The following ADGRV1 variants were observed in gnomAD, a reference collection of about 807,000 sequenced individuals.
The protein encoded by ADGRV1 is adhesion G protein-coupled receptor V1, also known as G-protein coupled receptor 98.
In ADGRV1, 359 loss-of-function variants were observed where a neutral mutation model predicts 596.2. The observed-to-expected ratio is 0.60, with a 90% CI of 0.55 to 0.66. The LOEUF (loss-of-function observed/expected upper bound fraction) is 0.66. ADGRV1 is among the 30% of genes least tolerant of loss of function. The pLI, the probability that ADGRV1 is intolerant of heterozygous loss-of-function variation, is 0.00. For missense variants in ADGRV1, 7,274 were observed against 7,575.6 expected (o/e 0.96, Z 1.48); for synonymous variants, 2,681 against 2,679.2 (o/e 1.00, Z -0.02).
chr5:90,624,645 A>G (rs1183333775), intron 5 of ADGRV1, among the ~76,000 whole-genome samples: 4 of 152,134 alleles, frequency 2.6e-5, no homozygotes, highest in African/African-American at 9.7e-5. Flanking sequence ...CTTCCTTTAA[A>G]TGTCAGGACT....
intron 83 of ADGRV1, among the ~76,000 whole-genome samples, chr5:90,954,490 A>G (rs762901700): frequency 1.3e-5 from 2 of 152,170 alleles, no homozygotes; most frequent in Non-Finnish European, 2.9e-5. Flanking sequence ...TCCTAAAGAC[A>G]TATAAAGGAA....
intron 9 of ADGRV1, among the ~76,000 whole-genome samples, chr5:90,633,073 G>C (rs1206600841): frequency 6.6e-6 from 1 of 152,166 alleles, no homozygotes; most frequent in Non-Finnish European, 1.5e-5. Flanking sequence ...ACGTTAGTCT[G>C]AGATGCAGCT....
intron 85 of ADGRV1, among the ~76,000 whole-genome samples, chr5:90,991,828 T>C (rs553240743): frequency 1.2e-3 from 183 of 152,310 alleles, no homozygotes; most frequent in African/African-American, 3.8e-3. Flanking sequence ...AAATATGATA[T>C]CATATGAGAG....
intron 83 of ADGRV1, among the ~76,000 whole-genome samples, chr5:90,962,503 G>A (rs1245229774): frequency 6.6e-6 from 1 of 152,194 alleles, no homozygotes; most frequent in Non-Finnish European, 1.5e-5. Flanking sequence ...TTTAGGTTAT[G>A]TAGCCTTAAA....
chr5:90,636,292 T>A (rs1050515351), intron 10 of ADGRV1, among the ~76,000 whole-genome samples: 5 of 152,166 alleles, frequency 3.3e-5, no homozygotes, highest in Non-Finnish European at 5.9e-5. Context: ...GATTTAAACC[T>A]AGTTGAGGTT....
chr5:91,160,668 A>G (rs1401034542), intron 89 of ADGRV1, among the ~76,000 whole-genome samples: 1 of 152,164 alleles, frequency 6.6e-6, no homozygotes, highest in Non-Finnish European at 1.5e-5. Flanking sequence ...GCATGGAAAC[A>G]CCTTTCAGAA....
chr5:90,618,578 A>G (rs1294310524), intron 3 of ADGRV1, among the ~76,000 whole-genome samples: 1 of 152,210 alleles, frequency 6.6e-6, no homozygotes, highest in Non-Finnish European at 1.5e-5. Flanking sequence ...TTTAAAAAAT[A>G]TACTTTTGTG....
chr5:91,056,113 A>G (rs1275350400), intron 85 of ADGRV1, among the ~76,000 whole-genome samples: 1 of 152,192 alleles, frequency 6.6e-6, no homozygotes, highest in Non-Finnish European at 1.5e-5. Context: ...TCAGAGCCCA[A>G]TTCATTCAAC....
chr5:90,881,883 C>T (rs1769816741), intron 83 of ADGRV1, among the ~76,000 whole-genome samples: 1 of 151,912 alleles, frequency 6.6e-6, no homozygotes, highest in African/African-American at 2.4e-5. Flanking sequence ...CAACTTTTTT[C>T]TTTTTTTGTG....
At chr5:90,925,040 T>C (rs1774282772) in intron 83 of ADGRV1, among the ~76,000 whole-genome samples, 1 of 151,614 alleles carries the variant, frequency 6.6e-6, no homozygotes, top group Non-Finnish European at 1.5e-5. Context: ...TGTAGCCTTG[T>C]GGTATAGTTT....
chr5:90,892,642 C>T (rs1040464643), intron 83 of ADGRV1, among the ~76,000 whole-genome samples: 7 of 152,228 alleles, frequency 4.6e-5, no homozygotes, highest in Admixed American at 1.3e-4. Flanking sequence ...TTTTCTCTTA[C>T]CCCTTTTAAT....
At chr5:91,154,227 G>A (rs1796284783) in intron 89 of ADGRV1, among the ~76,000 whole-genome samples, 1 of 152,154 alleles carries the variant, frequency 6.6e-6, no homozygotes, top group Admixed American at 6.5e-5. Flanking sequence ...AAATTCCAGT[G>A]AATTTTAATT....
chr5:90,672,395 C>A, intron 21 of ADGRV1, 151 bp from the exon 22 acceptor site: 1 of 506,478 alleles, frequency 2.0e-6, no homozygotes, highest in Admixed American at 3.6e-5. Context: ...CAAAGTTTAT[C>A]TGGGGGAATG....
At chr5:91,129,970 C>T (rs551843083) in intron 87 of ADGRV1, among the ~76,000 whole-genome samples, 4 of 152,240 alleles carry the variant, frequency 2.6e-5, no homozygotes, top group East Asian at 1.9e-4. Flanking sequence ...AAATACTCTT[C>T]TTAGACATTG....
At chr5:90,638,011 A>ATT in intron 11 of ADGRV1, 63 bp downstream of exon 11, 4 of 1,088,462 alleles carry the variant, frequency 3.7e-6, no homozygotes, top group Non-Finnish European at 5.2e-6. Context: ...AATAACTTTG[A>ATT]TTTTTTTTTT....
intron 72 of ADGRV1, among the ~76,000 whole-genome samples, chr5:90,806,517 T>C (rs1313005797): frequency 1.3e-5 from 2 of 152,222 alleles, no homozygotes; most frequent in Non-Finnish European, 2.9e-5. Flanking sequence ...TCTGTCACTT[T>C]GGGTGATATG....
chr5:90,746,162 C>T (rs1754604647), intron 52 of ADGRV1, among the ~76,000 whole-genome samples: 1 of 142,722 alleles, frequency 7.0e-6, no homozygotes, highest in South Asian at 2.2e-4. Context: ...GTGTGATATA[C>T]ACATCACATA....
intron 83 of ADGRV1, among the ~76,000 whole-genome samples, chr5:90,957,556 T>TTATA (rs3076324): frequency 0.067 from 9,767 of 146,162 alleles, 518 homozygotes; most frequent in East Asian, 0.23. Context: ...TTTCAACTGT[T>TTATA]TATATATATA....
chr5:90,781,021 C>T (rs1436042359), intron 64 of ADGRV1: 6 of 195,702 alleles, frequency 3.1e-5, no homozygotes, highest in Non-Finnish European at 6.3e-5. Context: ...TCATCTTAAC[C>T]TAACACTGTA....
Sources: gnomAD v4.1 joint callset for allele counts (sites outside exome capture counted in the v4.1 genomes callset) on GRCh38, gnomAD v4.1.1 for gene constraint, MANE v1.5 for transcripts, NCBI Gene and HGNC (gene_info 2026-07-23, HGNC 2026-07-21) for gene names.